HEATR5B: variants seen among roughly 807,000 people sequenced by gnomAD.
HEATR5B encodes HEAT repeat-containing protein 5B.
Under a neutral mutation model 224.1 loss-of-function variants are expected in HEATR5B, and 156 were observed. That is an observed-to-expected ratio of 0.70 (90% CI 0.61 to 0.80). The LOEUF is 0.80. HEATR5B is among the 30% of genes least tolerant of loss of function. The pLI is 0.00. For missense variants in HEATR5B, 2,323 were observed against 2,535.5 expected, an observed-to-expected ratio of 0.92 and a Z score of 1.80; for synonymous variants, 1,027 against 893.0, an observed-to-expected ratio of 1.15 and a Z score of -2.68.
chr2:37,022,367 T>C (rs1049105875), intron 24 of HEATR5B, among the ~76,000 whole-genome samples: 2 of 152,058 alleles, frequency 1.3e-5, no homozygotes, highest in Non-Finnish European at 2.9e-5. Context: ...TTAATAGAGA[T>C]GGGGTTTCAC....
At chr2:37,048,376 G>T (rs1670333074) in intron 18 of HEATR5B, among the ~76,000 whole-genome samples, 1 of 151,802 alleles carries the variant, frequency 6.6e-6, no homozygotes, top group Non-Finnish European at 1.5e-5. Context: ...GTAGAGACAG[G>T]GTTTCACCAT....
At chr2:37,004,114 C>T (rs1161875217) in intron 30 of HEATR5B, among the ~76,000 whole-genome samples, 4 of 152,118 alleles carry the variant, frequency 2.6e-5, no homozygotes, top group Non-Finnish European at 5.9e-5. Context: ...CTACTACAAA[C>T]TTTTGCCACC....
Position 37,000,575 on chromosome 2 carries a change from T to TGATA in HEATR5B, c.5545+7_5545+10dup, listed in dbSNP as rs1356523917. The TGATA allele has an allele frequency of 6.2e-7, 1 of 1,610,560 alleles. No homozygotes were observed. Among genetic ancestry groups the TGATA allele is most frequent in the Admixed American group, 1.7e-5 (1 of 60,028 alleles). On this transcript the variant is annotated intron_variant, in intron 33 of 35. Transcript: ENST00000233099. ...CCTAACTAACTAAAACGTTTAAAAC[T>TGATA]GATAGGTTACCTGGTTGAGAATATT...
Position 37,058,916 on chromosome 2 carries a change from T to C in HEATR5B, c.1921A>G (p.Ile641Val), listed in dbSNP as rs745929696. The change falls in exon 13 of 36, where the codon ATT (isoleucine) becomes GTT (valine). Residue 641 changes from isoleucine to valine, a missense_variant. By Grantham distance (29) the Ile-to-Val change is conservative. Transcript: ENST00000233099. ...GACATCATAGTCATGGCACATTCAA[T>C]AGGGGTCATCAATTTTCGAATCACA... ...EDVIRKLMTP[I>V]ECAMTMMSHI... 1.4e-5 allele frequency: 22 copies of C among 1,609,790 alleles called. No homozygotes were observed. Among genetic ancestry groups the C allele is most frequent in the Admixed American group, 1.7e-5 (1 of 59,980 alleles).
At chr2:37,033,114 C>T (rs557055584) in intron 21 of HEATR5B, among the ~76,000 whole-genome samples, 1 of 151,888 alleles carries the variant, frequency 6.6e-6, no homozygotes, top group Non-Finnish European at 1.5e-5. Flanking sequence ...CTCCTGACCT[C>T]GTGATCCGCC....
chr2:37,045,998 A>G (rs1409868489), intron 18 of HEATR5B, among the ~76,000 whole-genome samples: 2 of 152,168 alleles, frequency 1.3e-5, no homozygotes, highest in Admixed American at 6.5e-5. Context: ...AGTCCTGTAC[A>G]TTCTTTTAAT....
intron 18 of HEATR5B, among the ~76,000 whole-genome samples, chr2:37,044,761 G>A (rs1301264110): frequency 6.6e-6 from 1 of 152,156 alleles, no homozygotes; most frequent in African/African-American, 2.4e-5. Flanking sequence ...CCTTTGCTGA[G>A]ATTTCAATTA....
chr2:37,038,390 G>A (rs1052679527), intron 20 of HEATR5B, among the ~76,000 whole-genome samples: 4 of 151,892 alleles, frequency 2.6e-5, no homozygotes, highest in Admixed American at 6.6e-5. Context: ...TCCACCCGCC[G>A]TGGCCTCCCA....
At position 37,061,080 on chromosome 2, in the gene HEATR5B, G is replaced by C. The variant is rs148810378; in HGVS notation, c.1697-347C>G. Among the ~76,000 whole-genome samples, 207 of 152,168 alleles carry C rather than the reference G, an allele frequency of 1.4e-3. 1 individual carries two copies. Among genetic ancestry groups the C allele is most frequent in the African/African-American group, 4.7e-3 (197 of 41,504 alleles). ...TGCATATTATCAATAAAATATATCT[G>C]AGACACATTCTATGAGGTCTTTTTC... On this transcript the variant is annotated intron_variant, in intron 11 of 35. Coordinates refer to ENST00000233099, the MANE Select transcript of HEATR5B (RefSeq NM_019024.3).
At chr2:37,059,444 G>GTATA (rs1271476800) in intron 12 of HEATR5B, among the ~76,000 whole-genome samples, 15 of 52,596 alleles carry the variant, frequency 2.9e-4, no homozygotes, top group African/African-American at 3.4e-4. Flanking sequence ...GTGTGTGTGT[G>GTATA]TGTATATATA....
Position 36,988,643 on chromosome 2 carries a change from T to TA in HEATR5B, c.5911+2dup. The stretch of plus-strand genomic sequence containing the variant: ...TAGTAGCTTTTTATAAGAATATACT[T>TA]ACTGTTTTGTTCTTCACCAAGAGCA... On this transcript the variant is annotated splice_region_variant and intron_variant, in intron 35 of 35. Transcript: ENST00000233099. 7 of 1,602,004 alleles carry TA rather than the reference T, an allele frequency of 4.4e-6. No individual in the cohort carries two copies. Among genetic ancestry groups the TA allele is most frequent in the Non-Finnish European group, 6.0e-6 (7 of 1,169,354 alleles).
At chr2:37,039,900 T>C (rs904616832) in intron 20 of HEATR5B, among the ~76,000 whole-genome samples, 2 of 152,200 alleles carry the variant, frequency 1.3e-5, no homozygotes, top group Non-Finnish European at 2.9e-5. Context: ...TAATATCTTT[T>C]TCCTCTAGCA....
At chr2:36,984,107 G>A (rs1242492361) in intron 35 of HEATR5B, among the ~76,000 whole-genome samples, 5 of 147,830 alleles carry the variant, frequency 3.4e-5, no homozygotes, top group African/African-American at 1.3e-4. Flanking sequence ...GGCTGAGGCA[G>A]GAGAATCACT....
chr2:37,039,127 G>C (rs573389753), intron 20 of HEATR5B, among the ~76,000 whole-genome samples: 33 of 149,572 alleles, frequency 2.2e-4, no homozygotes, highest in African/African-American at 7.9e-4. Flanking sequence ...AGCAGTTTGA[G>C]ACCAGCCTGG....
intron 32 of HEATR5B, among the ~76,000 whole-genome samples, chr2:37,001,796 T>C (rs1027662891): frequency 1.4e-4 from 19 of 138,356 alleles, no homozygotes; most frequent in African/African-American, 4.4e-4. Context: ...CCTGAGTAGC[T>C]GGGATTACAG....
At position 37,064,723 on chromosome 2, in the gene HEATR5B, T is replaced by C; in HGVS notation, c.1584+17A>G. ...GCCCACGTGACAGCATTCCCAAGTC[T>C]AGGATCTCCGTCATACCTTTCCTTT... On this transcript the variant is annotated intron_variant, in intron 10 of 35. Coordinates refer to ENST00000233099, the MANE Select transcript of HEATR5B (RefSeq NM_019024.3). The C allele has an allele frequency of 3.1e-6, 5 of 1,612,648 alleles. No individual in the cohort carries two copies. Among genetic ancestry groups the C allele is most frequent in the Non-Finnish European group, 4.2e-6 (5 of 1,179,032 alleles).
chr2:37,012,892 A>G (rs563676475), intron 27 of HEATR5B, among the ~76,000 whole-genome samples: 1 of 152,346 alleles, frequency 6.6e-6, no homozygotes, highest in South Asian at 2.1e-4. Context: ...TGCCTCTGCT[A>G]TGTGTTCCAA....
intron 27 of HEATR5B, 33 bp from the exon 28 acceptor site, chr2:37,008,881 G>A (rs1667603056): frequency 8.2e-7 from 1 of 1,224,646 alleles, no homozygotes; most frequent in South Asian, 1.3e-5. Context: ...AAAATAGTAA[G>A]GCATAAGATA....
At chr2:37,046,816 G>A (rs1244490048) in intron 18 of HEATR5B, among the ~76,000 whole-genome samples, 1 of 151,380 alleles carries the variant, frequency 6.6e-6, no homozygotes, top group East Asian at 1.9e-4. Flanking sequence ...TTGGGAGGCC[G>A]AGGCAGGTTG....
Sources: allele counts gnomAD v4.1 joint callset (sites outside exome capture counted in the v4.1 genomes callset), GRCh38; gene constraint gnomAD v4.1.1; transcripts MANE v1.5; gene names NCBI Gene and HGNC (gene_info 2026-07-23, HGNC 2026-07-21).